PPP2R2A: variants seen among roughly 807,000 people sequenced by gnomAD.
The protein encoded by PPP2R2A is protein phosphatase 2 regulatory subunit Balpha.
PPP2R2A carries 9 observed loss-of-function variants against 53.2 expected under a neutral mutation model. The ratio of observed to expected loss-of-function variants is 0.17; its 90% CI spans 0.10 to 0.30. The LOEUF is 0.30. PPP2R2A is among the 10% of genes least tolerant of loss of function. The pLI, the probability that PPP2R2A is intolerant of heterozygous loss-of-function variation, is 1.00. For synonymous variants in PPP2R2A, 169 were observed against 174.2 expected (o/e 0.97, Z 0.23); for missense variants, 235 against 534.6 (o/e 0.44, Z 5.53).
chr8:26,363,963 A>G, intron 8 of PPP2R2A, 73 bp downstream of exon 8: 1 of 1,356,384 alleles, frequency 7.4e-7, no homozygotes. Flanking sequence ...GGATTTTGTT[A>G]CTAGGTTTTA....
At chr8:26,365,497 T>G (rs1351698595) in intron 8 of PPP2R2A, 1 of 152,332 alleles carries the variant, frequency 6.6e-6, no homozygotes, top group East Asian at 1.9e-4. Flanking sequence ...ATTTAGAAGG[T>G]ACCTTCTCAT....
At position 26,372,069 on chromosome 8, in the gene PPP2R2A, G is replaced by C. The variant is rs529870099; in HGVS notation, c.*1656G>C. 6.6e-6 allele frequency: 1 copy of C among 152,086 alleles called. No individual in the cohort carries two copies. Among genetic ancestry groups the C allele is most frequent in the Non-Finnish European group, 1.5e-5 (1 of 68,020 alleles). The allele number at this position is 152,086 out of a possible 1,614,324, so 9.4% of individuals were successfully genotyped here. A position where few individuals can be genotyped will look rare whatever the true frequency, so the allele number is the denominator to read the frequency against. Reference sequence around the variant, plus strand: ...ATAATGAAAAAGAATTCAACGAGCCGACCGTGATTCCCTCTACTACAAATA... The same window carrying C: ...ATAATGAAAAAGAATTCAACGAGCCCACCGTGATTCCCTCTACTACAAATA... On this transcript the variant is annotated 3_prime_UTR_variant, in exon 10 of 10. Transcript: ENST00000380737.
At chr8:26,331,040 A>G (rs1047418034) in intron 2 of PPP2R2A, among the ~76,000 whole-genome samples, 2 of 152,092 alleles carry the variant, frequency 1.3e-5, no homozygotes, top group Non-Finnish European at 2.9e-5. Flanking sequence ...TCAGAGCCTC[A>G]TGTCACTTCA....
chr8:26,356,569 TAA>T (rs1804793888), intron 4 of PPP2R2A, among the ~76,000 whole-genome samples: 1 of 152,252 alleles, frequency 6.6e-6, no homozygotes, highest in Non-Finnish European at 1.5e-5. Context: ...TATGGTAAAC[TAA>T]GTTATTTCAA....
rs760213724 is a variant in PPP2R2A at position 26,362,615 on chromosome 8, G to A, written c.638-69G>A. Reference sequence around the variant, plus strand: ...GCTTAGGTCCATGAATGGGTTTTAGGTTTGAGAAATGTAGAATTATATTTG... The same window carrying A: ...GCTTAGGTCCATGAATGGGTTTTAGATTTGAGAAATGTAGAATTATATTTG... On this transcript the variant is annotated intron_variant, in intron 6 of 9. Coordinates refer to ENST00000380737, the MANE Select transcript of PPP2R2A (RefSeq NM_002717.4). This position sits in a 1 kb window ranked among gnomAD's most constrained non-coding sequence, Gnocchi z 4.4. The A allele has an allele frequency of 7.2e-5, 107 of 1,480,296 alleles. No homozygotes were observed. Among genetic ancestry groups the A allele is most frequent in the Non-Finnish European group, 9.7e-5 (105 of 1,079,412 alleles). The allele number at this position is 1,480,296 out of a possible 1,614,324, so 91.7% of individuals were successfully genotyped here.
rs1157026917 is a variant in PPP2R2A, at chr8:26,372,095, T to A, written c.*1682T>A. On this transcript the variant is annotated 3_prime_UTR_variant, in exon 10 of 10. Coordinates refer to ENST00000380737, the MANE Select transcript of PPP2R2A (RefSeq NM_002717.4). Reference sequence around the variant, plus strand: ...ACCGTGATTCCCTCTACTACAAATATTATGTCTTGTAAGTTAGCATTTTTA... The same window carrying A: ...ACCGTGATTCCCTCTACTACAAATAATATGTCTTGTAAGTTAGCATTTTTA... The A allele has an allele frequency of 6.6e-6, 1 of 152,194 alleles. No individual in the cohort carries two copies. 9.4% of individuals were successfully genotyped at this position (152,194 alleles called of 1,614,324 possible).
intron 2 of PPP2R2A, among the ~76,000 whole-genome samples, chr8:26,296,610 C>T (rs1047533890): frequency 7.2e-5 from 11 of 152,374 alleles, no homozygotes; most frequent in African/African-American, 2.4e-4. Flanking sequence ...TCTACTGTTA[C>T]ATACTACAGA....
intron 2 of PPP2R2A, among the ~76,000 whole-genome samples, chr8:26,299,373 TAATG>T (rs1563281315): frequency 1.3e-5 from 2 of 152,362 alleles, no homozygotes; most frequent in East Asian, 3.9e-4. Flanking sequence ...AAATATTTAA[TAATG>T]AACCTCATCT....
intron 2 of PPP2R2A, among the ~76,000 whole-genome samples, chr8:26,304,448 C>A (rs981553467): frequency 9.9e-5 from 15 of 152,048 alleles, no homozygotes; most frequent in Non-Finnish European, 2.2e-4. Context: ...GGATTGGGGG[C>A]AAAATTTTAA....
intron 3 of PPP2R2A, among the ~76,000 whole-genome samples, chr8:26,345,455 C>T (rs1336718932): frequency 2.6e-5 from 4 of 152,124 alleles, no homozygotes; most frequent in Non-Finnish European, 5.9e-5. Context: ...AAAATAAGAA[C>T]TTTTGGTATA....
chr8:26,367,248 A>G (rs1056248260), intron 9 of PPP2R2A, among the ~76,000 whole-genome samples: 2 of 152,186 alleles, frequency 1.3e-5, no homozygotes, highest in African/African-American at 4.8e-5. Flanking sequence ...GTTAATAGCA[A>G]ACATTGCCTT....
intron 3 of PPP2R2A, among the ~76,000 whole-genome samples, chr8:26,352,205 A>T (rs137928511): frequency 6.6e-6 from 1 of 152,218 alleles, no homozygotes; most frequent in African/African-American, 2.4e-5. Context: ...AAACAAAAAC[A>T]TTGTGTTTGA....
intron 2 of PPP2R2A, among the ~76,000 whole-genome samples, chr8:26,313,872 T>G (rs926667852): frequency 3.9e-5 from 6 of 152,200 alleles, no homozygotes; most frequent in Admixed American, 2.6e-4. Flanking sequence ...GTTTTTTGAC[T>G]TTAACTGTAA....
At chr8:26,297,182 T>G (rs1801581151) in intron 2 of PPP2R2A, among the ~76,000 whole-genome samples, 1 of 152,200 alleles carries the variant, frequency 6.6e-6, no homozygotes, top group Non-Finnish European at 1.5e-5. Context: ...CGATCTCGAC[T>G]CACTGCATCC....
intron 3 of PPP2R2A, among the ~76,000 whole-genome samples, chr8:26,344,918 A>G (rs1441960354): frequency 1.3e-5 from 2 of 152,234 alleles, no homozygotes; most frequent in African/African-American, 4.8e-5. Context: ...GCGCATGTGT[A>G]CATAATGAGA....
intron 9 of PPP2R2A, among the ~76,000 whole-genome samples, chr8:26,367,041 A>C (rs137963123): frequency 1.4e-4 from 22 of 152,324 alleles, no homozygotes; most frequent in African/African-American, 5.1e-4. Flanking sequence ...AAGTAGTAAA[A>C]CATAATTTTG....
At chr8:26,358,677 TG>T (rs554698674) in intron 4 of PPP2R2A, among the ~76,000 whole-genome samples, 13 of 152,222 alleles carry the variant, frequency 8.5e-5, no homozygotes, top group Non-Finnish European at 1.8e-4. Flanking sequence ...TAAACAATTT[TG>T]TTACACCATT....
rs1804873938 is a variant in PPP2R2A at position 26,357,826 on chromosome 8, AG to A, written c.347-2339del. ...CTTTAGTTATTAGTGTTGATAATTC[AG>A]GGGAACACCACAGTGTGGTCGTTTT... On this transcript the variant is annotated intron_variant, in intron 4 of 9. Transcript: ENST00000380737. Among the ~76,000 whole-genome samples, 4 of 152,174 alleles carry A rather than the reference AG, an allele frequency of 2.6e-5. No individual in the cohort carries two copies. The South Asian group carries it at 8.3e-4, about 32-fold the overall frequency.
At chr8:26,314,323 T>G (rs1341877685) in intron 2 of PPP2R2A, among the ~76,000 whole-genome samples, 1 of 152,190 alleles carries the variant, frequency 6.6e-6, no homozygotes, top group Non-Finnish European at 1.5e-5. Flanking sequence ...CCCGCGTGCT[T>G]CAATCTGGGC....
Sources: allele counts gnomAD v4.1 joint callset (sites outside exome capture counted in the v4.1 genomes callset), GRCh38; gene constraint gnomAD v4.1.1; non-coding constraint Gnocchi (gnomAD v3.1); transcripts MANE v1.5; gene names NCBI Gene and HGNC (gene_info 2026-07-23, HGNC 2026-07-21).